Variants in RASGEF1B observed in about 807,000 individuals in gnomAD.
RASGEF1B encodes RasGEF domain family member 1B.
A neutral mutation model predicts 65.7 loss-of-function variants in RASGEF1B; 30 were observed. The ratio of observed to expected loss-of-function variants is 0.46; its 90% confidence interval spans 0.34 to 0.62. The LOEUF (loss-of-function observed/expected upper bound fraction) is 0.62. Ranked by LOEUF, RASGEF1B falls within the 20% of genes least tolerant of loss-of-function variation. The probability of loss-of-function intolerance (pLI) is 0.01; values close to 1 mark genes in which losing one functional copy is unlikely to be tolerated. For synonymous variants in RASGEF1B, 175 were observed against 194.8 expected (o/e 0.90, Z 0.85); for missense variants, 495 against 580.1 (o/e 0.85, Z 1.51).
At chr4:81,429,833 G>A (rs969451185) in intron 13 of RASGEF1B, among the ~76,000 whole-genome samples, 1 of 152,136 alleles carries the variant, frequency 6.6e-6, no homozygotes, top group South Asian at 2.1e-4. Flanking sequence ...AGAGGACACT[G>A]AGGGGAGCAC....
intron 6 of RASGEF1B, among the ~76,000 whole-genome samples, chr4:81,447,142 G>A (rs1429609700): frequency 3.3e-5 from 5 of 152,154 alleles, no homozygotes; most frequent in Non-Finnish European, 7.3e-5. Flanking sequence ...CCCTGCTATT[G>A]TTGAATTATG....
Position 81,457,447 on chromosome 4 carries a change from C to A in RASGEF1B, c.300+52G>T, listed in dbSNP as rs184914188. Reference sequence around the variant, plus strand: ...ACTTAAGGAACCAACTTCACAAAATCTAAGCCATAAAGTAAGCATTCCTAA... The same window carrying A: ...ACTTAAGGAACCAACTTCACAAAATATAAGCCATAAAGTAAGCATTCCTAA... On this transcript the variant is annotated intron_variant, in intron 3 of 13. Coordinates refer to ENST00000264400, the MANE Select transcript of RASGEF1B (RefSeq NM_152545.3). 18 of 1,596,830 alleles carry A rather than the reference C, an allele frequency of 1.1e-5. No homozygotes were observed. In the Admixed American group the frequency reaches 1.7e-4, roughly 15 times the overall value.
chr4:81,444,284 C>T (rs1393072872), intron 8 of RASGEF1B, among the ~76,000 whole-genome samples: 2 of 152,184 alleles, frequency 1.3e-5, no homozygotes, highest in African/African-American at 4.8e-5. Context: ...AATCTATTAT[C>T]TAGACTGTGG....
intron 10 of RASGEF1B, among the ~76,000 whole-genome samples, chr4:81,438,558 AT>A (rs903285180): frequency 6.6e-6 from 1 of 152,160 alleles, no homozygotes; most frequent in Non-Finnish European, 1.5e-5. Flanking sequence ...AATGGCTGTG[AT>A]TTTTTTGTTT....
intron 3 of RASGEF1B, 122 bp downstream of exon 3, chr4:81,457,377 C>T: frequency 1.2e-6 from 1 of 857,186 alleles, no homozygotes; most frequent in Non-Finnish European, 1.8e-6. Context: ...CCTTGTATAG[C>T]CATGATGCCA....
At chr4:81,463,071 T>A (rs991368375) in intron 1 of RASGEF1B, among the ~76,000 whole-genome samples, 1 of 152,242 alleles carries the variant, frequency 6.6e-6, no homozygotes, top group Non-Finnish European at 1.5e-5. Flanking sequence ...AATGGTCTTC[T>A]TTGAACTTCT....
rs114236456 is a variant in RASGEF1B at position 81,436,580 on chromosome 4, A to T, written c.1105-1846T>A. On this transcript the variant is annotated intron_variant, in intron 10 of 13. Coordinates refer to ENST00000264400, the MANE Select transcript of RASGEF1B (RefSeq NM_152545.3). ...CATACAGTAATTTCCATTTTCTCTC[A>T]AATGTCAACATATTTTTAAAGATCC... 3.6e-3 allele frequency among the ~76,000 whole-genome samples: 546 copies of T among 152,310 alleles called. 2 individuals are homozygous for T. Among genetic ancestry groups the T allele is most frequent in the African/African-American group, 0.012 (510 of 41,558 alleles).
In RASGEF1B at chr4:81,448,056, A is replaced by G. The variant is rs1314045180; in HGVS notation, c.654+13T>C. The stretch of plus-strand genomic sequence containing the variant: ...TCTGTGGTTGTAAAGGGCAATGATG[A>G]TAACGGCCTTACCAGCTCTATATGA... On this transcript the variant is annotated intron_variant, in intron 5 of 13. Coordinates refer to ENST00000264400, the MANE Select transcript of RASGEF1B (RefSeq NM_152545.3). The G allele has an allele frequency of 6.2e-7, 1 of 1,610,878 alleles. No individual in the cohort carries two copies. The highest frequency in any genetic ancestry group is 2.2e-5 in the East Asian group (1 of 44,850).
At chr4:81,451,057 A>C (rs1578629618) in intron 4 of RASGEF1B, 1 of 152,210 alleles carries the variant, frequency 6.6e-6, no homozygotes, top group South Asian at 2.1e-4. Flanking sequence ...AGCATATACT[A>C]TCCAGGGTAG....
chr4:81,471,152 CG>C (rs1190284068), intron 1 of RASGEF1B: 1 of 152,198 alleles, frequency 6.6e-6, no homozygotes, highest in Non-Finnish European at 1.5e-5. Context: ...ATCACCTTGT[CG>C]GTGGCGAGTA....
At chr4:81,468,472 T>C (rs546411147) in intron 1 of RASGEF1B, among the ~76,000 whole-genome samples, 13 of 152,284 alleles carry the variant, frequency 8.5e-5, no homozygotes, top group African/African-American at 3.1e-4. Context: ...TTTCCAGACA[T>C]AGGCATATCC....
chr4:81,433,877 C>A lies in RASGEF1B; in HGVS notation c.1287G>T (p.Leu429Phe). 6.2e-7 allele frequency: 1 copy of A among 1,614,076 alleles called. No homozygotes were observed. Among genetic ancestry groups the A allele is most frequent in the Non-Finnish European group, 8.5e-7 (1 of 1,179,966 alleles). The part of the protein sequence containing the change: ...ECPFERDRKI[L>F]QYLLTVPVFS... ...AGACTGGTACTGTGAGCAGATACTG[C>A]AAGATCTTCCGGTCCCTCTCAAATG... The change falls in exon 12 of 14, where the codon TTG (leucine) becomes TTT (phenylalanine). Residue 429 changes from leucine to phenylalanine, a missense_variant. Transcript: ENST00000264400.
At chr4:81,465,110 A>G (rs1440572386) in intron 1 of RASGEF1B, among the ~76,000 whole-genome samples, 2 of 151,978 alleles carry the variant, frequency 1.3e-5, no homozygotes, top group Non-Finnish European at 2.9e-5. Context: ...GAAAGAAAGA[A>G]ATCAAGGAAT....
chr4:81,453,500 A>G (rs1475712751), intron 4 of RASGEF1B: 2 of 152,244 alleles, frequency 1.3e-5, no homozygotes, highest in Non-Finnish European at 2.9e-5. Context: ...AAAAAAGTCT[A>G]TATGTGTTCA....
chr4:81,432,171 G>A (rs1721453528), intron 13 of RASGEF1B, 128 bp downstream of exon 13: 2 of 569,556 alleles, frequency 3.5e-6, no homozygotes, highest in South Asian at 2.8e-5. Flanking sequence ...AAGATTTGGT[G>A]TACAAGAGAT....
At chr4:81,469,674 T>C (rs57648559) in intron 1 of RASGEF1B, among the ~76,000 whole-genome samples, 13,867 of 151,648 alleles carry the variant, frequency 0.091, 1,121 homozygotes, top group African/African-American at 0.22. Flanking sequence ...CACACACACA[T>C]ATAAATAATC....
intron 9 of RASGEF1B, among the ~76,000 whole-genome samples, chr4:81,441,562 G>C (rs1025084653): frequency 1.5e-5 from 2 of 135,262 alleles, no homozygotes; most frequent in Non-Finnish European, 3.1e-5. Flanking sequence ...TTTTTTTTGA[G>C]ACAGGGTCTC....
chr4:81,448,986 T>G (rs887412670), intron 4 of RASGEF1B, among the ~76,000 whole-genome samples: 1 of 151,996 alleles, frequency 6.6e-6, no homozygotes, highest in African/African-American at 2.4e-5. Context: ...GGCTAATTTT[T>G]GTATTTTTGT....
At chr4:81,460,281 G>C (rs1179551419) in intron 1 of RASGEF1B, among the ~76,000 whole-genome samples, 1 of 152,182 alleles carries the variant, frequency 6.6e-6, no homozygotes, top group Non-Finnish European at 1.5e-5. Flanking sequence ...AGTTCACAAA[G>C]GCCTTGTCAG....
Sources: gnomAD v4.1 joint callset for allele counts (sites outside exome capture counted in the v4.1 genomes callset) on GRCh38, gnomAD v4.1.1 for gene constraint, MANE v1.5 for transcripts, NCBI Gene and HGNC (gene_info 2026-07-23, HGNC 2026-07-21) for gene names.